Variants in FAM107B observed in about 807,000 individuals in gnomAD.
FAM107B encodes the protein protein FAM107B.
A neutral mutation model predicts 31.5 loss-of-function variants in FAM107B; 21 were observed. The observed-to-expected ratio is 0.67, with a 90% confidence interval of 0.47 to 0.96. The LOEUF (loss-of-function observed/expected upper bound fraction) is 0.96. Ranked by LOEUF, FAM107B falls within the 40% of genes least tolerant of loss-of-function variation. The pLI, the probability that FAM107B is intolerant of heterozygous loss-of-function variation, is 0.00. For synonymous variants in FAM107B, 157 were observed against 141.5 expected, an observed-to-expected ratio of 1.11 and a Z score of -0.78; for missense variants, 452 against 377.1, an observed-to-expected ratio of 1.20 and a Z score of -1.64.
At chr10:14,702,383 C>G (rs1390982486) in intron 1 of FAM107B, among the ~76,000 whole-genome samples, 1 of 152,090 alleles carries the variant, frequency 6.6e-6, no homozygotes, top group East Asian at 1.9e-4. Flanking sequence ...GAGACACAGT[C>G]TCACTTTATT....
intron 1 of FAM107B, among the ~76,000 whole-genome samples, chr10:14,758,873 GAAAA>G (rs57967855): frequency 3.1e-4 from 12 of 38,966 alleles, no homozygotes; most frequent in East Asian, 3.0e-3. Flanking sequence ...GACCCTCTCA[GAAAA>G]AAAAAAAAAA....
At position 14,541,426 on chromosome 10, in the gene FAM107B, A is replaced by G. The variant is rs539159428; in HGVS notation, c.470-10911T>C. Among the ~76,000 whole-genome samples the G allele has an allele frequency of 3.9e-3, 586 of 152,204 alleles. 1 individual carries two copies. Among genetic ancestry groups the G allele is most frequent in the Middle Eastern group, 0.02 (6 of 294 alleles). ...CATCAACTCTAGGCAGCCAGTACAC[A>G]CCAAGCCCGTGCACGTTCCCATCTC... On this transcript the variant is annotated intron_variant, in intron 2 of 4. Transcript: ENST00000181796.
intron 1 of FAM107B, among the ~76,000 whole-genome samples, chr10:14,721,181 T>G (rs1293762546): frequency 6.6e-6 from 1 of 152,218 alleles, no homozygotes; most frequent in Admixed American, 6.5e-5. Flanking sequence ...AACTCATCCT[T>G]TTTTATGGCT....
At chr10:14,668,964 A>T (rs1333031390) in intron 1 of FAM107B, among the ~76,000 whole-genome samples, 1 of 152,206 alleles carries the variant, frequency 6.6e-6, no homozygotes, top group Non-Finnish European at 1.5e-5. Context: ...AAAAACTGGT[A>T]TTATTCATTA....
chr10:14,651,684 T>C (rs571664079), intron 2 of FAM107B, among the ~76,000 whole-genome samples: 1 of 152,338 alleles, frequency 6.6e-6, no homozygotes, highest in South Asian at 2.1e-4. Flanking sequence ...ATTACTTTTT[T>C]GTAGGTACTT....
intron 1 of FAM107B, among the ~76,000 whole-genome samples, chr10:14,749,108 A>G (rs1832779760): frequency 6.6e-6 from 1 of 152,204 alleles, no homozygotes; most frequent in African/African-American, 2.4e-5. Context: ...TCAGCACCAG[A>G]TGAGACAATC....
intron 1 of FAM107B, among the ~76,000 whole-genome samples, chr10:14,764,390 T>G (rs1370142065): frequency 6.6e-6 from 1 of 152,198 alleles, no homozygotes; most frequent in African/African-American, 2.4e-5. Flanking sequence ...AACAGTTGCC[T>G]CAGTTGTCAT....
chr10:14,688,846 A>G (rs961690426), intron 1 of FAM107B, among the ~76,000 whole-genome samples: 3 of 152,198 alleles, frequency 2.0e-5, no homozygotes, highest in African/African-American at 7.2e-5. Context: ...AAATCCATCC[A>G]TGCCCTTTGA....
Position 14,521,106 on chromosome 10 carries a change from T to C in FAM107B, c.*84A>G, listed in dbSNP as rs1845585275. The C allele has an allele frequency of 9.4e-7, 1 of 1,064,918 alleles. No homozygotes were observed. Among genetic ancestry groups the C allele is most frequent in the Non-Finnish European group, 1.4e-6 (1 of 714,234 alleles). 66.0% of individuals were successfully genotyped at this position (1,064,918 alleles called of 1,614,324 possible). A position where few individuals can be genotyped will look rare whatever the true frequency, so the allele number is the denominator to read the frequency against. ...AAATTCTCTGCTGGCTGAAATATTC[T>C]CCAGGGGCTTTTGCCCTGAGATTGA... On this transcript the variant is annotated 3_prime_UTR_variant, in exon 5 of 5. Coordinates refer to ENST00000181796, the MANE Select transcript of FAM107B (RefSeq NM_031453.4).
At chr10:14,662,097 A>T (rs41310215) in intron 2 of FAM107B, among the ~76,000 whole-genome samples, 154 of 152,300 alleles carry the variant, frequency 1.0e-3, no homozygotes, top group Admixed American at 2.4e-3. Context: ...GGAGTTATAA[A>T]CATAGCCCAG....
chr10:14,689,442 A>C (rs1855073678), intron 1 of FAM107B, among the ~76,000 whole-genome samples: 1 of 152,078 alleles, frequency 6.6e-6, no homozygotes, highest in African/African-American at 2.4e-5. Context: ...GAAGGAAAGC[A>C]ATCATTGCAA....
At chr10:14,637,136 C>T (rs749416222) in intron 2 of FAM107B, among the ~76,000 whole-genome samples, 2 of 152,122 alleles carry the variant, frequency 1.3e-5, no homozygotes, top group Non-Finnish European at 2.9e-5. Flanking sequence ...ATCGGTGTCT[C>T]CCTTTTAACA....
rs1011397070 is a variant in FAM107B at position 14,548,663 on chromosome 10, CGGG to C, written c.470-18151_470-18149del. The C allele has an allele frequency of 4.1e-6, 4 of 985,234 alleles. No individual in the cohort carries two copies. In the South Asian group the frequency reaches 1.4e-4, roughly 35 times the overall value. 61.0% of individuals were successfully genotyped at this position (985,234 alleles called of 1,614,324 possible). A position where few individuals can be genotyped will look rare whatever the true frequency, so the allele number is the denominator to read the frequency against. On this transcript the variant is annotated intron_variant, in intron 2 of 4. Transcript: ENST00000181796. ...GAAGGCAGGCACTCCCAGAAGCCCC[CGGG>C]GGCCTTCCTCCATCGCCTCATTGGC...
chr10:14,763,680 T>C (rs1341700994), intron 1 of FAM107B, among the ~76,000 whole-genome samples: 1 of 152,132 alleles, frequency 6.6e-6, no homozygotes, highest in Non-Finnish European at 1.5e-5. Context: ...ATGAAAGCCA[T>C]CTGGGAGATC....
intron 2 of FAM107B, among the ~76,000 whole-genome samples, chr10:14,550,520 G>C (rs1849157078): frequency 6.6e-6 from 1 of 152,128 alleles, no homozygotes; most frequent in African/African-American, 2.4e-5. Flanking sequence ...CACCATCGAG[G>C]GATTTAAATC....
intron 2 of FAM107B, among the ~76,000 whole-genome samples, chr10:14,656,529 C>G (rs1208728818): frequency 6.6e-6 from 1 of 152,086 alleles, no homozygotes; most frequent in Non-Finnish European, 1.5e-5. Flanking sequence ...CATTCGGGTT[C>G]CTGGCATGCA....
intron 1 of FAM107B, among the ~76,000 whole-genome samples, chr10:14,692,735 T>C (rs1011761674): frequency 1.3e-5 from 2 of 152,158 alleles, no homozygotes; most frequent in South Asian, 4.1e-4. Flanking sequence ...GAAAGGTGGG[T>C]GAGGCAGTGG....
At chr10:14,712,967 C>T (rs1855687373) in intron 1 of FAM107B, among the ~76,000 whole-genome samples, 1 of 152,162 alleles carries the variant, frequency 6.6e-6, no homozygotes, top group South Asian at 2.1e-4. Flanking sequence ...CCTCTTCCTA[C>T]ACTGCAAGCT....
At chr10:14,687,050 G>T (rs1482652797) in intron 1 of FAM107B, among the ~76,000 whole-genome samples, 2 of 152,230 alleles carry the variant, frequency 1.3e-5, no homozygotes, top group Non-Finnish European at 2.9e-5. Context: ...CCTCAGAGAT[G>T]CTGAACGATT....
Sources: allele counts gnomAD v4.1 joint callset (sites outside exome capture counted in the v4.1 genomes callset), GRCh38; gene constraint gnomAD v4.1.1; transcripts MANE v1.5; gene names NCBI Gene and HGNC (gene_info 2026-07-23, HGNC 2026-07-21).